Variants in HDAC5 observed in about 807,000 individuals in gnomAD.
The protein encoded by HDAC5 is histone deacetylase 5.
Under a neutral mutation model 133.3 loss-of-function variants are expected in HDAC5, and 25 were observed. The observed-to-expected ratio is 0.19, with a 90% confidence interval of 0.14 to 0.26. HDAC5 has a LOEUF of 0.26. HDAC5 is among the 10% of genes least tolerant of loss of function. The pLI, the probability that HDAC5 is intolerant of heterozygous loss-of-function variation, is 1.00. For synonymous variants in HDAC5, 589 were observed against 610.8 expected (o/e 0.96, Z 0.53); for missense variants, 1,041 against 1,460.5 (o/e 0.71, Z 4.68).
At chr17:44,086,387 G>C (rs2050649523) in intron 14 of HDAC5, among the ~76,000 whole-genome samples, 185 bp downstream of exon 14, 1 of 152,234 alleles carries the variant, frequency 6.6e-6, no homozygotes, top group South Asian at 2.1e-4. Context: ...TCTCCCGGCT[G>C]AGGCAGAAGG....
chr17:44,123,608 T>G lies in HDAC5; in HGVS notation c.-294A>C. On this transcript the variant is annotated 5_prime_UTR_variant, in exon 1 of 27. Coordinates refer to ENST00000682912, the MANE Select transcript of HDAC5 (RefSeq NM_005474.5). ...GCTCCTCCATCTTTGCGGCGGCTCC[T>G]CCGGCTCCGCTCGCCGCCGCCACCA... 1 of 396,510 alleles carries G rather than the reference T, an allele frequency of 2.5e-6. No individual in the cohort carries two copies. The highest frequency in any genetic ancestry group is 4.4e-6 in the Non-Finnish European group (1 of 224,944). The allele number at this position is 396,510 out of a possible 1,614,324, so 24.6% of individuals were successfully genotyped here.
rs1461895330 is a variant in HDAC5 at position 44,123,544 on chromosome 17, AGCAGCGGCGGCG to A, written c.-242_-231del. 1 of 399,628 alleles carries A rather than the reference AGCAGCGGCGGCG, an allele frequency of 2.5e-6. No individual in the cohort carries two copies. Among genetic ancestry groups the A allele is most frequent in the Non-Finnish European group, 4.4e-6 (1 of 228,024 alleles). The allele number at this position is 399,628 out of a possible 1,614,324, so 24.8% of individuals were successfully genotyped here. ...CTCCGGCTTCGCGGGCGGCGGCGGC[AGCAGCGGCGGCG>A]GCAGCGGCGGCAGCACCTCCTCGAC... On this transcript the variant is annotated 5_prime_UTR_variant, in exon 1 of 27. Transcript: ENST00000682912.
At position 44,079,596 on chromosome 17, in the gene HDAC5, C is replaced by T. The variant is rs368426567; in HGVS notation, c.2945-319G>A. On this transcript the variant is annotated intron_variant, in intron 23 of 26. Coordinates refer to ENST00000682912, the MANE Select transcript of HDAC5 (RefSeq NM_005474.5). ...CGGAGGTTGCAGTGAGCCGAGATCA[C>T]GCCATTGCACTCCAGCCTGGGTGAC... Among the ~76,000 whole-genome samples, 54 of 137,320 alleles carry T rather than the reference C, an allele frequency of 3.9e-4. 1 individual carries two copies. The highest frequency in any genetic ancestry group is 3.1e-4 in the Non-Finnish European group (20 of 65,534). 90.1% of individuals were successfully genotyped at this position (137,320 alleles called of 152,430 possible). A position where few individuals can be genotyped will look rare whatever the true frequency, so the allele number is the denominator to read the frequency against.
At chr17:44,111,247 G>A (rs1235315699) in intron 2 of HDAC5, 2 of 291,260 alleles carry the variant, frequency 6.9e-6, no homozygotes, top group Non-Finnish European at 1.4e-5. Flanking sequence ...GCCGCCGGCA[G>A]CTGGCAGGAG....
intron 20 of HDAC5, chr17:44,082,336 T>G (rs1020713655): frequency 9.2e-6 from 5 of 546,020 alleles, no homozygotes; most frequent in Non-Finnish European, 1.3e-5. Context: ...TGCTTGAAAC[T>G]GCAACGTGAG....
At chr17:44,088,018 T>C (rs1298986190) in intron 12 of HDAC5, among the ~76,000 whole-genome samples, 2 of 152,050 alleles carry the variant, frequency 1.3e-5, no homozygotes, top group Non-Finnish European at 2.9e-5. Flanking sequence ...TAATTTTTGT[T>C]TGTTTTTTTG....
intron 3 of HDAC5, among the ~76,000 whole-genome samples, chr17:44,105,683 A>G (rs975560910): frequency 6.6e-6 from 1 of 152,134 alleles, no homozygotes; most frequent in African/African-American, 2.4e-5. Flanking sequence ...GGCTGGAAAC[A>G]TCCTCTCTCC....
chr17:44,117,449 C>G lies in HDAC5; in HGVS notation c.22+45G>C. On this transcript the variant is annotated intron_variant, in intron 2 of 26. Transcript: ENST00000682912. The surrounding 1 kb of genome is among the most constrained non-coding windows in gnomAD (Gnocchi z 4.2). The stretch of plus-strand genomic sequence containing the variant: ...GGGAAACCCACACAGCCCATTGCAT[C>G]CGAAGCTACCCCAGGGTGCTCTTCT... 2 of 1,611,354 alleles carry G rather than the reference C, an allele frequency of 1.2e-6. No homozygotes were observed. The highest frequency in any genetic ancestry group is 4.5e-5 in the East Asian group (2 of 44,852).
intron 1 of HDAC5, among the ~76,000 whole-genome samples, chr17:44,118,786 C>A (rs539883191): frequency 6.6e-6 from 1 of 152,250 alleles, no homozygotes; most frequent in Non-Finnish European, 1.5e-5. Context: ...TGAGCTGCTG[C>A]GAGTTTAAGC....
chr17:44,111,233 A>AGCCGCCGCCGGCGC, intron 2 of HDAC5: 1 of 286,850 alleles, frequency 3.5e-6, no homozygotes, highest in Non-Finnish European at 7.0e-6. Flanking sequence ...TTCCCGAATG[A>AGCCGCCGCCGGCGC]GCCGCCGCCG....
At chr17:44,101,945 C>T (rs1292872472) in intron 3 of HDAC5, among the ~76,000 whole-genome samples, 1 of 152,220 alleles carries the variant, frequency 6.6e-6, no homozygotes, top group Non-Finnish European at 1.5e-5. Context: ...CCTGAGCCCC[C>T]TTCTCTCCTT....
chr17:44,091,674 A>C (rs113896515), intron 10 of HDAC5, 26 bp downstream of exon 10: 3 of 1,524,098 alleles, frequency 2.0e-6, no homozygotes. Context: ...ACCAGAGGGA[A>C]GATGGGGTAT....
At chr17:44,102,670 T>C (rs1393495124) in intron 3 of HDAC5, among the ~76,000 whole-genome samples, 86 of 142,432 alleles carry the variant, frequency 6.0e-4, no homozygotes, top group African/African-American at 2.2e-3. Flanking sequence ...GTTCTCTCTT[T>C]TTTTTTTTTT....
chr17:44,101,410 C>CA (rs35671008), intron 3 of HDAC5, among the ~76,000 whole-genome samples: 790 of 66,670 alleles, frequency 0.012, 42 homozygotes, highest in African/African-American at 0.043. Context: ...GACTCCGTCT[C>CA]AAAAAAAAAA....
chr17:44,088,603 G>A lies in HDAC5; in HGVS notation c.1388-5C>T, dbSNP rs73308519. The A allele has an allele frequency of 2.5e-3, 3,967 of 1,607,286 alleles. 57 individuals carry two copies. The African/African-American group carries it at 0.04, about 16-fold the overall frequency. On this transcript the variant is annotated splice_region_variant and splice_polypyrimidine_tract_variant and intron_variant, in intron 11 of 26. Coordinates refer to ENST00000682912, the MANE Select transcript of HDAC5 (RefSeq NM_005474.5). ...GGGACTGCCCGTGGAGTGGCACTAC[G>A]GAGTTGGGGGTGATGACTAAGCACC...
intron 2 of HDAC5, chr17:44,111,653 AG>A: frequency 1.9e-6 from 1 of 517,790 alleles, no homozygotes. Flanking sequence ...GAGTTCTAAT[AG>A]CCCCATGGAG....
rs750189261 is a variant in HDAC5, at chr17:44,091,536, A to G, written c.1165-44T>C. 6 of 1,516,474 alleles carry G rather than the reference A, an allele frequency of 4.0e-6. No individual in the cohort carries two copies. In the East Asian group the frequency reaches 1.4e-4, roughly 35 times the overall value. The allele number at this position is 1,516,474 out of a possible 1,614,324, so 93.9% of individuals were successfully genotyped here. On this transcript the variant is annotated intron_variant, in intron 10 of 26. Transcript: ENST00000682912. ...GGCTTATACAGCCTCAGTCCTGCCA[A>G]CTTTGGACTAGCATCCCCATCTACC... is the stretch of plus-strand genomic sequence containing the variant.
At chr17:44,086,484 G>A in intron 14 of HDAC5, 88 bp downstream of exon 14, 1 of 1,162,696 alleles carries the variant, frequency 8.6e-7, no homozygotes, top group Non-Finnish European at 1.1e-6. Context: ...AGGGGCCCCA[G>A]CAGCCTCTTC....
intron 1 of HDAC5, among the ~76,000 whole-genome samples, chr17:44,122,202 C>A (rs886186567): frequency 6.6e-6 from 1 of 152,116 alleles, no homozygotes; most frequent in Non-Finnish European, 1.5e-5. Flanking sequence ...CCAGCATAGG[C>A]TCAGGGTGCC....
Sources: gnomAD v4.1 joint callset for allele counts (sites outside exome capture counted in the v4.1 genomes callset) on GRCh38, gnomAD v4.1.1 for gene constraint, Gnocchi (gnomAD v3.1) non-coding constraint, MANE v1.5 for transcripts, NCBI Gene and HGNC (gene_info 2026-07-23, HGNC 2026-07-21) for gene names.